ACACB: variants seen among roughly 807,000 people sequenced by gnomAD.
ACACB encodes the protein acetyl-CoA carboxylase 2.
In ACACB, 209 loss-of-function variants were observed where a neutral mutation model predicts 278.8. The observed-to-expected ratio is 0.75, with a 90% CI of 0.67 to 0.84. The LOEUF (loss-of-function observed/expected upper bound fraction) is 0.84. Among genes scored for constraint, ACACB ranks in the 40% least tolerant of loss-of-function variants. ACACB has a pLI of 0.00. For synonymous variants in ACACB, 1,174 were observed against 1,285.6 expected (o/e 0.91, Z 1.86); for missense variants, 2,850 against 3,269.0 (o/e 0.87, Z 3.13).
At chr12:109,195,192 G>A (rs1009376293) in intron 16 of ACACB, among the ~76,000 whole-genome samples, 4 of 152,226 alleles carry the variant, frequency 2.6e-5, no homozygotes, top group African/African-American at 9.6e-5. Flanking sequence ...GCAATGGCAG[G>A]AGGCTGTGTC....
rs756007626 is a variant in ACACB, at chr12:109,237,360, C to A, written c.4642C>A (p.His1548Asn). 6.2e-7 allele frequency: 1 copy of A among 1,614,106 alleles called. No homozygotes were observed. The highest frequency in any genetic ancestry group is 8.5e-7 in the Non-Finnish European group (1 of 1,179,986). The change falls in exon 34 of 53, where the codon CAC becomes AAC. Residue 1548 changes from histidine (H) to asparagine (N), a missense_variant. His to Asn is a moderately conservative substitution (Grantham distance 68). This residue lies in a region of ACACB where 2,265 missense variants were observed against 2,561.3 expected (regional missense o/e 0.88). Transcript: ENST00000338432. ...HRFFIRAIIR[H>N]SDLITKEASF... ...GTTCTTCATCCGCGCCATCATCAGG[C>A]ACTCTGACCTGATCACAAAGGTAAG...
chr12:109,191,109 T>G (rs1187666380), intron 13 of ACACB, among the ~76,000 whole-genome samples: 1 of 152,158 alleles, frequency 6.6e-6, no homozygotes, highest in East Asian at 1.9e-4. Context: ...ATGAGGAAAC[T>G]GAGGCCCAGA....
intron 2 of ACACB, among the ~76,000 whole-genome samples, chr12:109,153,569 A>G (rs1443580201): frequency 2.0e-5 from 3 of 152,224 alleles, no homozygotes; most frequent in Non-Finnish European, 4.4e-5. Context: ...TTTGTTGGCT[A>G]TGAAAGTAGG....
At chr12:109,250,206 G>A (rs755523697) in intron 41 of ACACB, 102 bp downstream of exon 41, 140 of 1,253,180 alleles carry the variant, frequency 1.1e-4, no homozygotes, top group Non-Finnish European at 1.3e-4. Flanking sequence ...CCATGTGCCC[G>A]TCACATACCT....
upstream of ACACB, among the ~76,000 whole-genome samples, chr12:109,112,149 T>C (rs139437677): frequency 9.2e-3 from 1,386 of 150,326 alleles, 26 homozygotes; most frequent in African/African-American, 0.031. Context: ...TTTTAAAATA[T>C]AAAATGTATA....
chr12:109,135,497 A>G (rs1036151888), intron 1 of ACACB, among the ~76,000 whole-genome samples: 1 of 151,820 alleles, frequency 6.6e-6, no homozygotes, highest in Non-Finnish European at 1.5e-5. Flanking sequence ...ATAGCATCCT[A>G]TGATTCACGA....
chr12:109,221,177 G>A (rs1479189008), intron 24 of ACACB, among the ~76,000 whole-genome samples: 3 of 152,176 alleles, frequency 2.0e-5, no homozygotes, highest in Non-Finnish European at 4.4e-5. Context: ...CTGTGTCTTT[G>A]TGTATGAAAT....
intron 44 of ACACB, among the ~76,000 whole-genome samples, chr12:109,254,838 G>A (rs568109480): frequency 3.3e-5 from 5 of 151,382 alleles, no homozygotes; most frequent in East Asian, 3.9e-4. Flanking sequence ...GCAGTGGCGC[G>A]ATCTTGGCTT....
intron 1 of ACACB, among the ~76,000 whole-genome samples, chr12:109,129,855 T>G (rs541537739): frequency 1.3e-5 from 2 of 152,316 alleles, no homozygotes; most frequent in East Asian, 3.9e-4. Flanking sequence ...ATGTGAATCC[T>G]TTCTGTCCAT....
intron 27 of ACACB, 76 bp downstream of exon 27, chr12:109,223,980 C>T: frequency 8.1e-7 from 1 of 1,241,982 alleles, no homozygotes. Context: ...TGCACCTGAC[C>T]CTAGGCCACA....
intron 1 of ACACB, among the ~76,000 whole-genome samples, chr12:109,122,452 T>C (rs1007497386): frequency 7.9e-5 from 12 of 151,922 alleles, no homozygotes; most frequent in Admixed American, 7.9e-4. Context: ...CACATGCCTG[T>C]AATCCCAGTG....
At position 109,122,999 on chromosome 12, in the gene ACACB, G is replaced by A. The variant is rs1429713093; in HGVS notation, c.-10+6295G>A. Among the ~76,000 whole-genome samples, 4 of 152,020 alleles carry A rather than the reference G, an allele frequency of 2.6e-5. No individual in the cohort carries two copies. The East Asian group carries it at 7.8e-4, about 29-fold the overall frequency. ...GATCGAGACCATCCTGGCTAACATGGTGAAACCCCGTCTCTACTAAAAATA... is the reference window on the plus strand; with the variant it reads ...GATCGAGACCATCCTGGCTAACATGATGAAACCCCGTCTCTACTAAAAATA... On this transcript the variant is annotated intron_variant, in intron 1 of 52. Transcript: ENST00000338432.
rs754719145 is a variant in ACACB, at chr12:109,246,395, G to T, written c.5518G>T (p.Glu1840Ter). Residue 1840 changes from glutamate (E) to a stop codon, truncating the protein, a stop_gained, in exon 39 of 53, where the codon GAG becomes TAG. Coordinates refer to ENST00000338432, the MANE Select transcript of ACACB (RefSeq NM_001093.4). LOFTEE classifies it high-confidence loss of function. The part of the protein sequence containing the change: ...NSGARIGMAE[E>*]IKHMFHVAWV... ...TGGCGCCCGTATTGGCATGGCAGAG[G>T]AGATCAAACACATGTTCCACGTGGC... is the stretch of plus-strand genomic sequence containing the variant. 5.0e-6 allele frequency: 8 copies of T among 1,613,634 alleles called. No individual in the cohort carries two copies. In the African/African-American group the frequency reaches 9.4e-5, roughly 19 times the overall value.
chr12:109,198,607 G>T (rs984069271), intron 17 of ACACB, among the ~76,000 whole-genome samples: 20 of 151,874 alleles, frequency 1.3e-4, no homozygotes, highest in African/African-American at 4.8e-5. Context: ...GTGATGGGAG[G>T]ATCACCTGAC....
intron 36 of ACACB, chr12:109,242,112 G>A (rs1192911273): frequency 9.8e-6 from 2 of 204,210 alleles, no homozygotes; most frequent in African/African-American, 2.3e-5. Context: ...ACAGGAAATT[G>A]ACATTGGCAC....
chr12:109,139,662 G>T lies in ACACB; in HGVS notation c.257G>T (p.Gly86Val). The T allele has an allele frequency of 6.2e-7, 1 of 1,614,096 alleles. No individual in the cohort carries two copies. The highest frequency in any genetic ancestry group is 8.5e-7 in the Non-Finnish European group (1 of 1,179,978). The change falls in exon 2 of 53, where the codon GGT (glycine) becomes GTT (valine). Residue 86 changes from glycine to valine, a missense_variant. By Grantham distance (109) the Gly-to-Val change is moderately radical. Around this residue, in one of 3 missense-constraint regions of ACACB, gnomAD observed 2,265 missense variants for 2,561.3 expected, o/e 0.88. Coordinates refer to ENST00000338432, the MANE Select transcript of ACACB (RefSeq NM_001093.4). Reference protein sequence around the residue: ...PASHKGPKDAGRRRNSLPPSH... With the variant: ...PASHKGPKDAVRRRNSLPPSH... Reference sequence around the variant, plus strand: ...TCCCACAAAGGCCCCAAAGATGCCGGTCGGCGGAGAAACTCCCTACCACCC... The same window carrying T: ...TCCCACAAAGGCCCCAAAGATGCCGTTCGGCGGAGAAACTCCCTACCACCC...
At chr12:109,169,012 G>T (rs1457407156) in intron 4 of ACACB, among the ~76,000 whole-genome samples, 1 of 152,042 alleles carries the variant, frequency 6.6e-6, no homozygotes, top group African/African-American at 2.4e-5. Flanking sequence ...GGGCATGGTG[G>T]CAGGTGCCTG....
chr12:109,222,604 C>A lies in ACACB; in HGVS notation c.3662C>A (p.Ala1221Asp). The A allele has an allele frequency of 6.2e-7, 1 of 1,614,124 alleles. No individual in the cohort carries two copies. The highest frequency in any genetic ancestry group is 8.5e-7 in the Non-Finnish European group (1 of 1,179,986). ...QLSKSEHCKV[A>D]LRARQILIAS... ...AGCAAAAGCGAGCACTGCAAAGTGGCCCTCAGAGCCCGGCAGGTAGGGTCT... is the reference window on the plus strand; with the variant it reads ...AGCAAAAGCGAGCACTGCAAAGTGGACCTCAGAGCCCGGCAGGTAGGGTCT... Residue 1221 changes from alanine (A) to aspartate (D), a missense_variant, in exon 25 of 53, where the codon GCC (alanine) becomes GAC (aspartate). Physicochemically the swap from Ala to Asp is moderately radical, Grantham distance 126. Coordinates refer to ENST00000338432, the MANE Select transcript of ACACB (RefSeq NM_001093.4).
chr12:109,206,586 T>C (rs936972408), intron 19 of ACACB, 124 bp from the exon 20 acceptor site: 10 of 1,178,200 alleles, frequency 8.5e-6, no homozygotes, highest in Middle Eastern at 3.0e-4. Flanking sequence ...TTTGATTTTT[T>C]CCTCAGACCT....
Sources: allele counts gnomAD v4.1 joint callset (sites outside exome capture counted in the v4.1 genomes callset), GRCh38; gene constraint gnomAD v4.1.1; regional missense constraint gnomAD v4.1.1; transcripts MANE v1.5; gene names NCBI Gene and HGNC (gene_info 2026-07-23, HGNC 2026-07-21).